The following ISYNA1 variants were observed in gnomAD, a reference collection of about 807,000 sequenced individuals.
ISYNA1 encodes the protein inositol-3-phosphate synthase 1.
In ISYNA1, 34 loss-of-function variants were observed where a neutral mutation model predicts 50.3. The observed-to-expected ratio is 0.68, with a 90% CI of 0.51 to 0.90. The LOEUF (loss-of-function observed/expected upper bound fraction) is 0.90, where lower values mean the gene tolerates loss of function less well. ISYNA1 is among the 40% of genes least tolerant of loss of function. The pLI is 0.00. For missense variants in ISYNA1, 718 were observed against 784.8 expected (o/e 0.91, Z 1.02); for synonymous variants, 396 against 349.9 (o/e 1.13, Z -1.47).
Position 18,436,320 on chromosome 19 carries a change from G to T in ISYNA1, c.759+10C>A, listed in dbSNP as rs1974029945. 1 of 1,611,092 alleles carries T rather than the reference G, an allele frequency of 6.2e-7. No homozygotes were observed. The highest frequency in any genetic ancestry group is 2.2e-5 in the East Asian group (1 of 44,880). On this transcript the variant is annotated intron_variant, in intron 6 of 10. Transcript: ENST00000338128. The stretch of plus-strand genomic sequence containing the variant: ...CCTGCCTGACCCGCTCCACCCGGGC[G>T]TTCGCCCACCTCAATGGTGCGCAGC...
In ISYNA1 at chr19:18,435,023, C is replaced by T. The variant is rs755350113; in HGVS notation, c.1567G>A (p.Ala523Thr). Residue 523 changes from alanine (A) to threonine (T), a missense_variant, in exon 11 of 11, where the codon GCC becomes ACC. Physicochemically the swap from Ala to Thr is moderately conservative, Grantham distance 58. Transcript: ENST00000338128. ...PSLKRVGPVAATYPMLNKKGP... is the reference protein window; with the variant it reads ...PSLKRVGPVATTYPMLNKKGP... ...TTCTTGTTCAACATAGGGTAGGTGG[C>T]AGCCACGGGTCCAACTCGCTTGAGG... The T allele has an allele frequency of 2.2e-5, 35 of 1,613,448 alleles. No homozygotes were observed. The Admixed American group carries it at 4.8e-4, about 22-fold the overall frequency.
chr19:18,436,938 C>CAA, intron 4 of ISYNA1, 35 bp downstream of exon 4: 11 of 1,594,284 alleles, frequency 6.9e-6, no homozygotes, highest in Non-Finnish European at 9.4e-6. Context: ...CCCCATCTCC[C>CAA]ATCCCGCCCC....
At position 18,436,847 on chromosome 19, in the gene ISYNA1, T is replaced by C. The variant is rs1365908289; in HGVS notation, c.446A>G (p.Glu149Gly). 6.3e-7 allele frequency: 1 copy of C among 1,596,850 alleles called. No individual in the cohort carries two copies. Among genetic ancestry groups the C allele is most frequent in the Non-Finnish European group, 8.5e-7 (1 of 1,174,526 alleles). The change falls in exon 5 of 11, where the codon GAG (glutamate) becomes GGG (glycine). Residue 149 changes from glutamate (E) to glycine (G), a missense_variant. Transcript: ENST00000338128. The part of the protein sequence containing the change: ...GWDISSLNLA[E>G]AMRRAKVLDW... ...CAGCACCTTCGCGCGCCGCATCGCC[T>C]CGGCCAGGTTCAGCGACGAGATGTC...
At position 18,438,057 on chromosome 19, in the gene ISYNA1, C is replaced by T. The variant is rs1401696765; in HGVS notation, c.-10+36G>A. 16 of 1,427,878 alleles carry T rather than the reference C, an allele frequency of 1.1e-5. No homozygotes were observed. In the East Asian group the frequency reaches 3.8e-4, roughly 34 times the overall value. The allele number at this position is 1,427,878 out of a possible 1,614,324, so 88.5% of individuals were successfully genotyped here. A position where few individuals can be genotyped will look rare whatever the true frequency, so the allele number is the denominator to read the frequency against. On this transcript the variant is annotated intron_variant, in intron 1 of 10. Coordinates refer to ENST00000338128, the MANE Select transcript of ISYNA1 (RefSeq NM_016368.5). ...GGCCGGGGCCAAGCCAGCCTGGGTCCCCACGGAGGCCGTCCCTGCCCCGAA... is the reference window on the plus strand; with the variant it reads ...GGCCGGGGCCAAGCCAGCCTGGGTCTCCACGGAGGCCGTCCCTGCCCCGAA...
intron 5 of ISYNA1, 85 bp from the exon 6 acceptor site, chr19:18,436,564 T>C (rs1168419179): frequency 1.9e-6 from 3 of 1,597,040 alleles, no homozygotes; most frequent in Admixed American, 3.3e-5. Flanking sequence ...CACAGAGGCC[T>C]GGGCTACTCA....
At position 18,435,389 on chromosome 19, in the gene ISYNA1, G is replaced by A. The variant is rs1973937707; in HGVS notation, c.1349C>T (p.Pro450Leu). 1 of 1,611,488 alleles carries A rather than the reference G, an allele frequency of 6.2e-7. No individual in the cohort carries two copies. The highest frequency in any genetic ancestry group is 8.5e-7 in the Non-Finnish European group (1 of 1,179,978). ...VSFCTDMDPEPQTFHPVLSLL... is the reference protein window; with the variant it reads ...VSFCTDMDPELQTFHPVLSLL... ...GGACAGCACGGGGTGGAAGGTCTGC[G>A]GCTCGGGGTCCATGTCAGTGCAGAA... is the stretch of plus-strand genomic sequence containing the variant. Residue 450 changes from proline to leucine, a missense_variant, in exon 10 of 11, where the codon CCG becomes CTG. By Grantham distance (98) the Pro-to-Leu change is moderately conservative. Coordinates refer to ENST00000338128, the MANE Select transcript of ISYNA1 (RefSeq NM_016368.5).
intron 6 of ISYNA1, 27 bp from the exon 7 acceptor site, chr19:18,436,274 A>T: frequency 6.2e-7 from 1 of 1,608,060 alleles, no homozygotes; most frequent in Non-Finnish European, 8.5e-7. Flanking sequence ...CAGTCAGCAC[A>T]GAGCTGTGTC....
chr19:18,437,584 C>T lies in ISYNA1; in HGVS notation c.282+15G>A. The T allele has an allele frequency of 6.9e-7, 1 of 1,453,962 alleles. No homozygotes were observed. The highest frequency in any genetic ancestry group is 1.4e-5 in the South Asian group (1 of 72,912). The allele number at this position is 1,453,962 out of a possible 1,614,324, so 90.1% of individuals were successfully genotyped here. ...CACCAAGCCTCCCTACCCACCACGC[C>T]CCTCCCGCCCCCACCTTGCGGCCGC... On this transcript the variant is annotated intron_variant, in intron 3 of 10. Coordinates refer to ENST00000338128, the MANE Select transcript of ISYNA1 (RefSeq NM_016368.5).
rs908933486 is a variant in ISYNA1, at chr19:18,434,727, G to T, written c.*186C>A. 1.6e-6 allele frequency: 1 copy of T among 607,718 alleles called. No homozygotes were observed. Among genetic ancestry groups the T allele is most frequent in the Non-Finnish European group, 2.9e-6 (1 of 343,634 alleles). 37.6% of individuals were successfully genotyped at this position (607,718 alleles called of 1,614,324 possible). ...GTTGGGGTGATGACCATGGGCAGAG[G>T]GGATGGGACTGAAGCTGGGCGCTCA... On this transcript the variant is annotated 3_prime_UTR_variant, in exon 11 of 11. Transcript: ENST00000338128.
Position 18,437,600 on chromosome 19 carries a change from T to G in ISYNA1, c.281A>C (p.Lys94Thr). The change falls in exon 3 of 11, where the codon AAG (lysine) becomes ACG (threonine). Residue 94 changes from lysine to threonine, a missense_variant and splice_region_variant. By Grantham distance (78) the Lys-to-Thr change is moderately conservative. Transcript: ENST00000338128. Reference protein sequence around the residue: ...RLSWPTRSGRKEANYYGSLTQ... With the variant: ...RLSWPTRSGRTEANYYGSLTQ... Reference sequence around the variant, plus strand: ...CCACCACGCCCCTCCCGCCCCCACCTTGCGGCCGCTGCGCGTGGGCCAGGA... The same window carrying G: ...CCACCACGCCCCTCCCGCCCCCACCGTGCGGCCGCTGCGCGTGGGCCAGGA... 2 of 1,079,780 alleles carry G rather than the reference T, an allele frequency of 1.9e-6. No homozygotes were observed. The highest frequency in any genetic ancestry group is 2.3e-6 in the Non-Finnish European group (2 of 860,756). 66.9% of individuals were successfully genotyped at this position (1,079,780 alleles called of 1,614,324 possible).
chr19:18,437,200 A>G, intron 3 of ISYNA1, 95 bp from the exon 4 acceptor site: 1 of 1,457,858 alleles, frequency 6.9e-7, no homozygotes, highest in South Asian at 1.4e-5. Flanking sequence ...GCCCCGCCCC[A>G]CTTTCGGGCA....
In ISYNA1 at chr19:18,436,454, C is replaced by G; in HGVS notation, c.635G>C (p.Arg212Pro). ...QQLEQIRRDI[R>P]DFRSSAGLDK... ...CAGCCCCGCGCTAGACCGGAAGTCT[C>G]GGATGTCCCTGCGGATCTGCTCCAG... Residue 212 changes from arginine (R) to proline (P), a missense_variant, in exon 6 of 11, where the codon CGA (arginine) becomes CCA (proline). Arg to Pro is a moderately radical substitution (Grantham distance 103). Coordinates refer to ENST00000338128, the MANE Select transcript of ISYNA1 (RefSeq NM_016368.5). The G allele has an allele frequency of 6.2e-7, 1 of 1,607,342 alleles. No individual in the cohort carries two copies. Among genetic ancestry groups the G allele is most frequent in the Non-Finnish European group, 8.5e-7 (1 of 1,179,868 alleles).
In ISYNA1 at chr19:18,435,003, G is replaced by A. The variant is rs1210614307; in HGVS notation, c.1587C>T (p.Asn529=). The A allele has an allele frequency of 6.2e-7, 1 of 1,613,530 alleles. No homozygotes were observed. The highest frequency in any genetic ancestry group is 8.5e-7 in the Non-Finnish European group (1 of 1,179,986). ...TGGCAGCGGGTACCGGTCCTTTCTT[G>A]TTCAACATAGGGTAGGTGGCAGCCA... ...GPVAATYPML[N]KKGPVPAATN... The change falls in exon 11 of 11, where the codon AAC becomes AAT. Residue 529 remains asparagine, a synonymous_variant. Coordinates refer to ENST00000338128, the MANE Select transcript of ISYNA1 (RefSeq NM_016368.5).
At position 18,434,798 on chromosome 19, in the gene ISYNA1, A is replaced by G; in HGVS notation, c.*115T>C. On this transcript the variant is annotated 3_prime_UTR_variant, in exon 11 of 11. Coordinates refer to ENST00000338128, the MANE Select transcript of ISYNA1 (RefSeq NM_016368.5). ...AGGCAGAGTCAGGTCACAGGCCCCAAGAACCCCAGGTGGAAGGAGGGCTGA... is the reference window on the plus strand; with the variant it reads ...AGGCAGAGTCAGGTCACAGGCCCCAGGAACCCCAGGTGGAAGGAGGGCTGA... 2.2e-6 allele frequency: 2 copies of G among 895,906 alleles called. No individual in the cohort carries two copies. The highest frequency in any genetic ancestry group is 3.5e-6 in the Non-Finnish European group (2 of 564,220). 55.5% of individuals were successfully genotyped at this position (895,906 alleles called of 1,614,324 possible). A position where few individuals can be genotyped will look rare whatever the true frequency, so the allele number is the denominator to read the frequency against.
chr19:18,437,205 C>T, intron 3 of ISYNA1, 100 bp from the exon 4 acceptor site: 1 of 1,459,654 alleles, frequency 6.9e-7, no homozygotes, highest in Non-Finnish European at 9.0e-7. Context: ...GCCCCACTTT[C>T]GGGCATTTTT....
rs1268882650 is a variant in ISYNA1, at chr19:18,435,583, C to T, written c.1234G>A (p.Val412Met). 1 of 1,608,794 alleles carries T rather than the reference C, an allele frequency of 6.2e-7. No homozygotes were observed. Among genetic ancestry groups the T allele is most frequent in the South Asian group, 1.1e-5 (1 of 90,364 alleles). The change falls in exon 9 of 11, where the codon GTG (valine) becomes ATG (methionine). Residue 412 changes from valine (V) to methionine (M), a missense_variant. This residue lies in a region of ISYNA1 where 305 missense variants were observed against 292.6 expected (regional missense o/e 1.04). Transcript: ENST00000338128. Reference sequence around the variant, plus strand: ...CGCACCTCACACGTGTTGTGCAGCACCAGTGTGTTGGTTCCGCCCAGCATC... The same window carrying T: ...CGCACCTCACACGTGTTGTGCAGCATCAGTGTGTTGGTTCCGCCCAGCATC... ...ELMLGGTNTL[V>M]LHNTCEDSLL...
rs758343875 is a variant in ISYNA1 at position 18,435,570 on chromosome 19, GTGT to G, written c.1244_1246del (p.Asn415del). 6.2e-7 allele frequency: 1 copy of G among 1,606,906 alleles called. No individual in the cohort carries two copies. The highest frequency in any genetic ancestry group is 8.5e-7 in the Non-Finnish European group (1 of 1,177,016). On this transcript the variant is annotated inframe_deletion, in exon 9 of 11. Coordinates refer to ENST00000338128, the MANE Select transcript of ISYNA1 (RefSeq NM_016368.5). ...CCTGAAGCCGCGCCGCACCTCACAC[GTGT>G]TGTGCAGCACCAGTGTGTTGGTTCC...
Position 18,435,611 on chromosome 19 carries a change from C to T in ISYNA1, c.1206G>A (p.Glu402=), listed in dbSNP as rs753399223. 4.3e-6 allele frequency: 7 copies of T among 1,610,948 alleles called. No homozygotes were observed. The East Asian group carries it at 6.7e-5, about 15-fold the overall frequency. ...SKRALDEYTS[E]LMLGGTNTLV... is the part of the protein sequence containing the mutation. The stretch of plus-strand genomic sequence containing the variant: ...GTGTGTTGGTTCCGCCCAGCATCAG[C>T]TCCGAGGTATACTCATCCAGCGCGC... The change falls in exon 9 of 11, where the codon GAG becomes GAA. Residue 402 remains glutamate (E), a synonymous_variant. Transcript: ENST00000338128.
rs1600384913 is a variant in ISYNA1 at position 18,434,741 on chromosome 19, G to A, written c.*172C>T. 4.8e-6 allele frequency: 3 copies of A among 624,392 alleles called. No individual in the cohort carries two copies. In the East Asian group the frequency reaches 8.2e-5, roughly 17 times the overall value. 38.7% of individuals were successfully genotyped at this position (624,392 alleles called of 1,614,324 possible). ...CATGGGCAGAGGGGATGGGACTGAA[G>A]CTGGGCGCTCAAGAGTCGGGGAAGT... On this transcript the variant is annotated 3_prime_UTR_variant, in exon 11 of 11. Transcript: ENST00000338128.
Sources: gnomAD v4.1 joint callset for allele counts on GRCh38, gnomAD v4.1.1 for gene constraint, gnomAD v4.1.1 regional missense constraint, MANE v1.5 for transcripts, NCBI Gene and HGNC (gene_info 2026-07-23, HGNC 2026-07-21) for gene names.